Variants in PPP1R36 observed in about 807,000 individuals in gnomAD.
PPP1R36 encodes protein phosphatase 1 regulatory subunit 36.
A neutral mutation model predicts 53.4 loss-of-function variants in PPP1R36; 47 were observed. That is an observed-to-expected ratio of 0.88 (90% CI 0.70 to 1.12). The LOEUF (loss-of-function observed/expected upper bound fraction) is 1.12. Ranked by LOEUF, PPP1R36 falls within the 50% of genes most tolerant of loss-of-function variation. PPP1R36 has a pLI of 0.00. For synonymous variants in PPP1R36, 153 were observed against 170.5 expected (o/e 0.90, Z 0.80); for missense variants, 456 against 513.9 (o/e 0.89, Z 1.09).
chr14:64,587,153 C>T (rs2080439471), intron 9 of PPP1R36, 41 bp from the exon 10 acceptor site: 3 of 1,490,348 alleles, frequency 2.0e-6, no homozygotes, highest in Non-Finnish European at 2.8e-6. Context: ...TTTTCCATTT[C>T]ACAGCTAAGG....
chr14:64,565,516 T>C (rs1233363340), intron 5 of PPP1R36, 62 bp downstream of exon 5: 3 of 1,410,316 alleles, frequency 2.1e-6, no homozygotes, highest in Admixed American at 3.4e-5. Flanking sequence ...CACATATCCA[T>C]ACATAAACAT....
chr14:64,562,385 C>T lies in PPP1R36; in HGVS notation c.183-2366C>T, dbSNP rs190289746. 7.9e-5 allele frequency among the ~76,000 whole-genome samples: 12 copies of T among 152,006 alleles called. No homozygotes were observed. The East Asian group carries it at 1.5e-3, about 20-fold the overall frequency. On this transcript the variant is annotated intron_variant, in intron 3 of 11. Coordinates refer to ENST00000298705, the MANE Select transcript of PPP1R36 (RefSeq NM_172365.3). The stretch of plus-strand genomic sequence containing the variant: ...CTGAGGCAGGAGAATCGCTTGAACC[C>T]GGGATGAAGAGGTTGCAGTGAGCTG...
chr14:64,583,853 T>C (rs2080409557), intron 8 of PPP1R36, among the ~76,000 whole-genome samples: 1 of 145,438 alleles, frequency 6.9e-6, no homozygotes, highest in Non-Finnish European at 1.5e-5. Flanking sequence ...AGTTCCAGTG[T>C]GTATGGCAAC....
rs1281105252 is a variant in PPP1R36 at position 64,589,339 on chromosome 14, C to T, written c.*1C>T. 1.1e-5 allele frequency: 17 copies of T among 1,597,726 alleles called. No homozygotes were observed. Among genetic ancestry groups the T allele is most frequent in the Non-Finnish European group, 1.2e-5 (14 of 1,169,340 alleles). The stretch of plus-strand genomic sequence containing the variant: ...CTCTCATACATCATGCCCTAAGTAA[C>T]CTGGTACATTCCATATCTCAAGTAA... On this transcript the variant is annotated 3_prime_UTR_variant, in exon 12 of 12. Coordinates refer to ENST00000298705, the MANE Select transcript of PPP1R36 (RefSeq NM_172365.3).
chr14:64,561,287 TCTCTC>T (rs2080203604), intron 3 of PPP1R36, among the ~76,000 whole-genome samples: 1 of 152,058 alleles, frequency 6.6e-6, no homozygotes, highest in Admixed American at 6.6e-5. Context: ...CTTCCTGACT[TCTCTC>T]CTGGTCAAAT....
At chr14:64,568,470 CT>C in intron 7 of PPP1R36, 23 bp downstream of exon 7, 1 of 1,159,070 alleles carries the variant, frequency 8.6e-7, no homozygotes, top group Non-Finnish European at 1.2e-6. Flanking sequence ...TTATAGTGTG[CT>C]TTAGAGTTTT....
chr14:64,565,588 CTT>C (rs1225636594), intron 5 of PPP1R36, 36 bp from the exon 6 acceptor site: 4 of 1,575,134 alleles, frequency 2.5e-6, no homozygotes, highest in Non-Finnish European at 3.5e-6. Flanking sequence ...TAAGGTAGCT[CTT>C]TGTCCCTCTC....
chr14:64,558,123 A>C (rs1213266347), intron 3 of PPP1R36, among the ~76,000 whole-genome samples: 1 of 152,160 alleles, frequency 6.6e-6, no homozygotes, highest in Non-Finnish European at 1.5e-5. Flanking sequence ...CACAGGCTGG[A>C]GAGTTCTGAG....
intron 8 of PPP1R36, among the ~76,000 whole-genome samples, chr14:64,585,921 C>T (rs2080429519): frequency 2.0e-5 from 3 of 152,084 alleles, no homozygotes; most frequent in Non-Finnish European, 2.9e-5. Context: ...TCACTAATTG[C>T]GCCCATGCCA....
chr14:64,550,832 A>G, intron 1 of PPP1R36, 89 bp from the exon 2 acceptor site: 1 of 930,178 alleles, frequency 1.1e-6, no homozygotes, highest in South Asian at 1.6e-5. Flanking sequence ...TGTGTTAGTA[A>G]GTAGGAATTA....
At chr14:64,568,549 A>G in intron 7 of PPP1R36, 102 bp downstream of exon 7, 1 of 527,492 alleles carries the variant, frequency 1.9e-6, no homozygotes, top group Non-Finnish European at 3.3e-6. Flanking sequence ...TAAATCTTTG[A>G]GATGTACTAA....
chr14:64,586,732 C>T, intron 8 of PPP1R36, 105 bp from the exon 9 acceptor site: 1 of 721,246 alleles, frequency 1.4e-6, no homozygotes. Flanking sequence ...TGAAAATAAT[C>T]TTGGGGCCAA....
intron 7 of PPP1R36, among the ~76,000 whole-genome samples, chr14:64,574,042 C>T (rs1321438664): frequency 1.3e-5 from 2 of 149,228 alleles, no homozygotes; most frequent in African/African-American, 4.9e-5. Flanking sequence ...AACATAAACT[C>T]ATTGGTAAGT....
intron 3 of PPP1R36, among the ~76,000 whole-genome samples, chr14:64,556,761 A>AGTGTGTGTGTGT (rs1566648715): frequency 3.1e-4 from 13 of 42,580 alleles, no homozygotes; most frequent in South Asian, 1.2e-3. Context: ...ATCTCCAAAA[A>AGTGTGTGTGTGT]ATGTGTGTGT....
chr14:64,585,283 A>G (rs1307360007), intron 8 of PPP1R36, among the ~76,000 whole-genome samples: 2 of 152,100 alleles, frequency 1.3e-5, no homozygotes, highest in Non-Finnish European at 2.9e-5. Context: ...TGGGAGGGTG[A>G]GGTAGGTGGA....
chr14:64,563,822 T>C (rs1387507119), intron 3 of PPP1R36, among the ~76,000 whole-genome samples: 1 of 152,206 alleles, frequency 6.6e-6, no homozygotes, highest in Non-Finnish European at 1.5e-5. Context: ...CAATGTGGCA[T>C]TGTTATAACC....
chr14:64,550,351 CCTA>C (rs780236761), intron 1 of PPP1R36: 581 of 1,124,410 alleles, frequency 5.2e-4, no homozygotes, highest in Non-Finnish European at 6.1e-4. Context: ...AATAGGGAGA[CCTA>C]CTGCGGGGGA....
rs770893300 is a variant in PPP1R36, at chr14:64,588,128, A to C, written c.915A>C (p.Ala305=). The C allele has an allele frequency of 6.2e-7, 1 of 1,604,926 alleles. No individual in the cohort carries two copies. The highest frequency in any genetic ancestry group is 1.1e-5 in the South Asian group (1 of 90,390). The stretch of plus-strand genomic sequence containing the variant: ...GGAGAATGATGGCAAAACGCCCAGC[A>C]ATTAAAAAAGCTATCAACATGCGTT... The part of the protein sequence containing the change: ...QFRRMMAKRP[A]IKKAINMRSP... The change falls in exon 11 of 12, where the codon GCA becomes GCC. Residue 305 remains alanine, a synonymous_variant. Transcript: ENST00000298705.
In PPP1R36 at chr14:64,587,263, G is replaced by C; in HGVS notation, c.781G>C (p.Glu261Gln). 2 of 1,613,588 alleles carry C rather than the reference G, an allele frequency of 1.2e-6. No individual in the cohort carries two copies. The highest frequency in any genetic ancestry group is 1.7e-6 in the Non-Finnish European group (2 of 1,179,552). The change falls in exon 10 of 12, where the codon GAA (glutamate) becomes CAA (glutamine). Residue 261 changes from glutamate to glutamine, a missense_variant. Physicochemically the swap from Glu to Gln is conservative, Grantham distance 29. Coordinates refer to ENST00000298705, the MANE Select transcript of PPP1R36 (RefSeq NM_172365.3). ...ACGTCAACACTTGACAGAGATTGAAGAAGAAGTAGGGAGACTCTTTCGTAC... is the reference window on the plus strand; with the variant it reads ...ACGTCAACACTTGACAGAGATTGAACAAGAAGTAGGGAGACTCTTTCGTAC... ...FRRQHLTEIE[E>Q]EVGRLFRTNM...
Sources: allele counts gnomAD v4.1 joint callset (sites outside exome capture counted in the v4.1 genomes callset), GRCh38; gene constraint gnomAD v4.1.1; transcripts MANE v1.5; gene names NCBI Gene and HGNC (gene_info 2026-07-23, HGNC 2026-07-21).